The following RMND1 variants were observed in gnomAD, a reference collection of about 807,000 sequenced individuals.
RMND1 encodes the protein required for meiotic nuclear division 1 homolog.
RMND1 carries 41 observed loss-of-function variants against 54.0 expected under a neutral mutation model. The ratio of observed to expected loss-of-function variants is 0.76; its 90% CI spans 0.59 to 0.98. The LOEUF is 0.98. Ranked by LOEUF, RMND1 falls within the 50% of genes least tolerant of loss-of-function variation. The probability of loss-of-function intolerance (pLI) is 0.00; values close to 1 mark genes in which losing one functional copy is unlikely to be tolerated. For synonymous variants in RMND1, 183 were observed against 181.7 expected, an observed-to-expected ratio of 1.01 and a Z score of -0.06; for missense variants, 457 against 532.0, an observed-to-expected ratio of 0.86 and a Z score of 1.39.
At chr6:151,421,135 TAC>T in intron 9 of RMND1, 108 bp downstream of exon 9, 1 of 766,876 alleles carries the variant, frequency 1.3e-6, no homozygotes, top group East Asian at 2.7e-5. Flanking sequence ...TGAAAACAGC[TAC>T]AGTTCCCATA....
At position 151,405,747 on chromosome 6, in the gene RMND1, C is replaced by G; in HGVS notation, c.1290G>C (p.Trp430Cys). 1 of 1,584,218 alleles carries G rather than the reference C, an allele frequency of 6.3e-7. No individual in the cohort carries two copies. Among genetic ancestry groups the G allele is most frequent in the East Asian group, 2.2e-5 (1 of 44,712 alleles). The stretch of plus-strand genomic sequence containing the variant: ...CTATGGTAATGAGGATGACAATCAT[C>G]CACTCCAAGCGGAGTGCCCTCTTCT... ...LNEKRALRLE[W>C]MIVILITIEV... The change falls in exon 11 of 12, where the codon TGG becomes TGC. Residue 430 changes from tryptophan to cysteine, a missense_variant. Physicochemically the swap from Trp to Cys is radical, Grantham distance 215. Transcript: ENST00000444024.
intron 10 of RMND1, among the ~76,000 whole-genome samples, chr6:151,414,386 G>A (rs1270282698): frequency 6.6e-6 from 1 of 152,144 alleles, no homozygotes; most frequent in Non-Finnish European, 1.5e-5. Flanking sequence ...TGTATATCAA[G>A]CCAGAACACT....
chr6:151,449,709 G>A (rs1408183901), intron 1 of RMND1, among the ~76,000 whole-genome samples: 2 of 152,128 alleles, frequency 1.3e-5, no homozygotes, highest in African/African-American at 4.8e-5. Flanking sequence ...GCCGAAGCTG[G>A]ACTGTACTGC....
intron 10 of RMND1, chr6:151,411,833 G>A (rs1779844201): frequency 6.6e-6 from 1 of 152,154 alleles, no homozygotes; most frequent in African/African-American, 2.4e-5. Flanking sequence ...AACCATTAAA[G>A]TAACTGGTAG....
chr6:151,433,948 C>G (rs1272456831), intron 3 of RMND1, among the ~76,000 whole-genome samples: 3 of 89,638 alleles, frequency 3.3e-5, no homozygotes, highest in Non-Finnish European at 4.1e-5. Context: ...GACCCCCCCC[C>G]GCCCCACCCA....
intron 1 of RMND1, among the ~76,000 whole-genome samples, chr6:151,449,821 G>A (rs1470191459): frequency 2.6e-5 from 4 of 152,204 alleles, no homozygotes; most frequent in African/African-American, 7.2e-5. Context: ...ACTGGTTTTC[G>A]TACTTTTTTG....
intron 1 of RMND1, among the ~76,000 whole-genome samples, chr6:151,450,331 G>A (rs911735430): frequency 2.0e-5 from 3 of 148,510 alleles, no homozygotes; most frequent in African/African-American, 5.0e-5. Flanking sequence ...CCCTCCGCCC[G>A]GCAGCCACCC....
At chr6:151,411,041 C>T (rs1779816580) in intron 10 of RMND1, among the ~76,000 whole-genome samples, 1 of 152,136 alleles carries the variant, frequency 6.6e-6, no homozygotes, top group Non-Finnish European at 1.5e-5. Flanking sequence ...CTCATCGGAA[C>T]CTTTGCCTCC....
intron 3 of RMND1, among the ~76,000 whole-genome samples, chr6:151,433,825 G>GTT (rs200775279): frequency 6.8e-6 from 1 of 147,966 alleles, no homozygotes; most frequent in Non-Finnish European, 1.5e-5. Context: ...TAAAAAAAAA[G>GTT]TTTTTTTTTT....
Position 151,405,789 on chromosome 6 carries a change from C to T in RMND1, c.1248G>A (p.Met416Ile). The stretch of plus-strand genomic sequence containing the variant: ...CCCTCTTCTCATTCAGGTGATTCCG[C>T]ATTAGATCTGTTAGTTCCATGCAGT... ...LQHCMELTDL[M>I]RNHLNEKRAL... The change falls in exon 11 of 12, where the codon ATG becomes ATA. Residue 416 changes from methionine (M) to isoleucine (I), a missense_variant. Met to Ile is a conservative substitution (Grantham distance 10). Coordinates refer to ENST00000444024, the MANE Select transcript of RMND1 (RefSeq NM_017909.4). 1 of 1,613,008 alleles carries T rather than the reference C, an allele frequency of 6.2e-7. No homozygotes were observed. The highest frequency in any genetic ancestry group is 8.5e-7 in the Non-Finnish European group (1 of 1,179,124).
intron 6 of RMND1, among the ~76,000 whole-genome samples, chr6:151,425,533 A>AT (rs760670385): frequency 2.3e-4 from 35 of 152,250 alleles, no homozygotes; most frequent in African/African-American, 4.3e-4. Flanking sequence ...GGTTTTTGCC[A>AT]TTTTAATGTA....
At chr6:151,436,418 AC>A in intron 3 of RMND1, 27 bp downstream of exon 3, 1 of 1,613,060 alleles carries the variant, frequency 6.2e-7, no homozygotes, top group Non-Finnish European at 8.5e-7. Context: ...ATTTTAACAT[AC>A]TTGGCCCCAG....
At position 151,445,545 on chromosome 6, in the gene RMND1, T is replaced by C; in HGVS notation, c.267A>G (p.Gln89=). 5 of 1,614,256 alleles carry C rather than the reference T, an allele frequency of 3.1e-6. No individual in the cohort carries two copies. The highest frequency in any genetic ancestry group is 4.2e-6 in the Non-Finnish European group (5 of 1,180,034). ...TGGTTGGAAGGTGTGCCTTTTCATCTTGGCAACGAGCAGCATTTAATGGAG... is the reference window on the plus strand; with the variant it reads ...TGGTTGGAAGGTGTGCCTTTTCATCCTGGCAACGAGCAGCATTTAATGGAG... The part of the protein sequence containing the change: ...MLSPLNAARC[Q]DEKAHLPTMK... The change falls in exon 2 of 12, where the codon CAA becomes CAG. Residue 89 remains glutamine (Q), a synonymous_variant. Coordinates refer to ENST00000444024, the MANE Select transcript of RMND1 (RefSeq NM_017909.4).
chr6:151,416,629 G>T, intron 10 of RMND1: 1 of 152,294 alleles, frequency 6.6e-6, no homozygotes. Flanking sequence ...TCGCCATGTT[G>T]GCCAGGCTGG....
intron 10 of RMND1, among the ~76,000 whole-genome samples, chr6:151,411,056 T>G (rs1462768520): frequency 6.6e-6 from 1 of 152,142 alleles, no homozygotes; most frequent in Non-Finnish European, 1.5e-5. Flanking sequence ...GCCTCCCAAG[T>G]TCAAGTGATT....
chr6:151,405,646 C>A, intron 11 of RMND1, 74 bp downstream of exon 11: 1 of 743,262 alleles, frequency 1.3e-6, no homozygotes, highest in Non-Finnish European at 2.3e-6. Context: ...CTATCTCAAA[C>A]TATCTTATTA....
chr6:151,419,213 C>T (rs1029833404), intron 9 of RMND1, among the ~76,000 whole-genome samples: 3 of 151,830 alleles, frequency 2.0e-5, no homozygotes, highest in Admixed American at 6.6e-5. Context: ...TACAGGCGCA[C>T]ACCACCATTC....
intron 8 of RMND1, among the ~76,000 whole-genome samples, chr6:151,421,815 A>C (rs1161108466): frequency 1.3e-5 from 2 of 152,156 alleles, no homozygotes; most frequent in Admixed American, 1.3e-4. Context: ...ATTCAGTTAC[A>C]TTAAAAATAC....
At chr6:151,418,373 C>T (rs1168325392) in intron 9 of RMND1, among the ~76,000 whole-genome samples, 1 of 151,994 alleles carries the variant, frequency 6.6e-6, no homozygotes, top group African/African-American at 2.4e-5. Flanking sequence ...AAGACTGTGA[C>T]ACTGTACTCC....
Sources: allele counts gnomAD v4.1 joint callset (sites outside exome capture counted in the v4.1 genomes callset), GRCh38; gene constraint gnomAD v4.1.1; transcripts MANE v1.5; gene names NCBI Gene and HGNC (gene_info 2026-07-23, HGNC 2026-07-21).